Variants in INSC observed in about 807,000 individuals in gnomAD.
INSC encodes protein inscuteable homolog.
Under a neutral mutation model 58.6 loss-of-function variants are expected in INSC, and 67 were observed. The ratio of observed to expected loss-of-function variants is 1.14; its 90% confidence interval spans 0.94 to 1.40. The LOEUF is 1.40. Ranked by LOEUF, INSC falls within the 40% of genes most tolerant of loss-of-function variation. The probability of loss-of-function intolerance (pLI) is 0.00; values close to 1 mark genes in which losing one functional copy is unlikely to be tolerated. For synonymous variants in INSC, 262 were observed against 276.1 expected (o/e 0.95, Z 0.51); for missense variants, 714 against 692.0 (o/e 1.03, Z -0.36).
chr11:15,203,469 G>A (rs1016869796), intron 7 of INSC, among the ~76,000 whole-genome samples: 12 of 152,210 alleles, frequency 7.9e-5, no homozygotes, highest in African/African-American at 2.4e-4. Context: ...CAACTACATT[G>A]TGTAGCAGTT....
At chr11:15,125,947 A>T (rs767824828) in intron 1 of INSC, among the ~76,000 whole-genome samples, 2 of 152,182 alleles carry the variant, frequency 1.3e-5, no homozygotes, top group Non-Finnish European at 2.9e-5. Context: ...AGGGCAAGTC[A>T]GTTCTGAAGA....
intron 7 of INSC, among the ~76,000 whole-genome samples, chr11:15,207,989 G>A (rs76754586): frequency 0.032 from 4,942 of 152,152 alleles, 282 homozygotes; most frequent in African/African-American, 0.11. Context: ...GTGCCCCCTG[G>A]TCCCATTAGG....
chr11:15,228,410 A>G (rs1454771595), intron 9 of INSC, among the ~76,000 whole-genome samples: 1 of 152,154 alleles, frequency 6.6e-6, no homozygotes, highest in Non-Finnish European at 1.5e-5. Flanking sequence ...TGGAGTCGGT[A>G]CCTTTTCACG....
At chr11:15,129,146 A>T (rs766717581) in intron 1 of INSC, among the ~76,000 whole-genome samples, 7 of 152,028 alleles carry the variant, frequency 4.6e-5, no homozygotes, top group African/African-American at 1.4e-4. Context: ...CCCCAACCCC[A>T]TTCACTTTCT....
chr11:15,267,140 T>C, the INSC span, among the ~76,000 whole-genome samples: 36 of 151,986 alleles, frequency 2.4e-4, no homozygotes, highest in Non-Finnish European at 4.7e-4. Context: ...ACAGTTTTTT[T>C]GTCCACCATT....
intron 10 of INSC, 110 bp from the exon 11 acceptor site, chr11:15,238,809 A>C: frequency 8.9e-7 from 1 of 1,119,508 alleles, no homozygotes; most frequent in Non-Finnish European, 1.3e-6. Flanking sequence ...GAGACCCCTG[A>C]AGTCATCCTG....
chr11:15,180,689 G>GC (rs1421246964), intron 5 of INSC, among the ~76,000 whole-genome samples: 1 of 97,000 alleles, frequency 1.0e-5, no homozygotes, highest in South Asian at 5.4e-4. Flanking sequence ...GAGTGAGGGG[G>GC]GGGGCGGGGG....
intron 2 of INSC, among the ~76,000 whole-genome samples, chr11:15,166,959 G>A (rs911139766): frequency 6.6e-6 from 1 of 152,156 alleles, no homozygotes; most frequent in Non-Finnish European, 1.5e-5. Context: ...ACCAAGTAAG[G>A]TTGTCGTGAA....
intron 2 of INSC, among the ~76,000 whole-genome samples, chr11:15,175,061 T>C (rs138239727): frequency 6.6e-6 from 1 of 152,302 alleles, no homozygotes; most frequent in East Asian, 1.9e-4. Flanking sequence ...ACAAAAGTAA[T>C]ATACATGCTC....
rs1849559987 is a variant in INSC, at chr11:15,175,970, G to T, written c.286G>T (p.Ala96Ser). ...GCTGCGCAGGATCGGGCAGAAGCTG[G>T]CCCAGGACCGCTGGGCACGGGTGCA... ...TELRRIGQKL[A>S]QDRWARVHSM... The change falls in exon 3 of 13, where the codon GCC becomes TCC. Residue 96 changes from alanine (A) to serine (S), a missense_variant. Transcript: ENST00000379556. 8 of 1,613,380 alleles carry T rather than the reference G, an allele frequency of 5.0e-6. No individual in the cohort carries two copies. The highest frequency in any genetic ancestry group is 1.3e-5 in the African/African-American group (1 of 74,906).
At chr11:15,259,484 C>G in the INSC span, among the ~76,000 whole-genome samples, 1 of 152,158 alleles carries the variant, frequency 6.6e-6, no homozygotes, top group African/African-American at 2.4e-5. Flanking sequence ...TTACTCCATA[C>G]TCTCCTGATA....
intron 7 of INSC, among the ~76,000 whole-genome samples, chr11:15,216,651 C>A (rs1162753295): frequency 6.6e-6 from 1 of 152,184 alleles, no homozygotes; most frequent in Non-Finnish European, 1.5e-5. Context: ...AAATCACTCC[C>A]ATTTTAAAAG....
intron 6 of INSC, among the ~76,000 whole-genome samples, chr11:15,200,150 A>G (rs1423951854): frequency 9.5e-6 from 1 of 105,584 alleles, no homozygotes; most frequent in Non-Finnish European, 1.9e-5. Context: ...TAAAAGGGTT[A>G]TATCACACAC....
At chr11:15,241,713 T>C in intron 12 of INSC, 1 of 653,448 alleles carries the variant, frequency 1.5e-6, no homozygotes, top group Non-Finnish European at 2.7e-6. Flanking sequence ...AGAATAATCC[T>C]TTAAATGCAA....
At chr11:15,140,912 C>T (rs550885159) in intron 1 of INSC, among the ~76,000 whole-genome samples, 5 of 152,188 alleles carry the variant, frequency 3.3e-5, no homozygotes, top group African/African-American at 1.2e-4. Flanking sequence ...CTTGTCTCTC[C>T]ATTGTCCATG....
At chr11:15,234,769 T>C (rs1028422279) in intron 9 of INSC, among the ~76,000 whole-genome samples, 3 of 152,236 alleles carry the variant, frequency 2.0e-5, no homozygotes, top group Non-Finnish European at 4.4e-5. Flanking sequence ...ACAGGTGCCA[T>C]GTTCCCAATC....
rs568034618 is a variant in INSC at position 15,217,904 on chromosome 11, G to A, written c.820-3573G>A. On this transcript the variant is annotated intron_variant, in intron 7 of 12. Transcript: ENST00000379556. ...CAATAGCAAGTATTGGCAAGAATCT[G>A]GTTTTTAGTGTGATTATGTATTGCT... Among the ~76,000 whole-genome samples the A allele has an allele frequency of 7.9e-5, 12 of 152,248 alleles. 1 individual carries two copies. In the South Asian group the frequency reaches 2.3e-3, roughly 29 times the overall value.
At chr11:15,112,653 G>GT (rs1847597517), upstream of INSC, 5 of 371,304 alleles carry the variant, frequency 1.3e-5, 1 homozygote, top group Non-Finnish European at 1.8e-5. Context: ...GAAGTGGGGG[G>GT]GGGGCATTTA....
At chr11:15,184,680 C>T (rs928582785) in intron 5 of INSC, among the ~76,000 whole-genome samples, 36 of 152,158 alleles carry the variant, frequency 2.4e-4, no homozygotes, top group African/African-American at 6.8e-4. Flanking sequence ...AGGCATGAGC[C>T]GCCACATCCA....
Sources: allele counts gnomAD v4.1 joint callset (sites outside exome capture counted in the v4.1 genomes callset), GRCh38; gene constraint gnomAD v4.1.1; transcripts MANE v1.5; gene names NCBI Gene and HGNC (gene_info 2026-07-23, HGNC 2026-07-21).